Variants in METTL8 observed in about 807,000 individuals in gnomAD.
METTL8 encodes methyltransferase 8, tRNA N3-cytidine.
In METTL8, 32 loss-of-function variants were observed where a neutral mutation model predicts 48.7. The observed-to-expected ratio is 0.66, with a 90% CI of 0.50 to 0.88. The LOEUF (loss-of-function observed/expected upper bound fraction) is 0.88, where lower values mean the gene tolerates loss of function less well. Ranked by LOEUF, METTL8 falls within the 40% of genes least tolerant of loss-of-function variation. The pLI is 0.00. For synonymous variants in METTL8, 136 were observed against 157.1 expected, an observed-to-expected ratio of 0.87 and a Z score of 1.01; for missense variants, 464 against 474.4, an observed-to-expected ratio of 0.98 and a Z score of 0.20.
chr2:171,416,856 T>C (rs1366431977), intron 1 of METTL8, among the ~76,000 whole-genome samples: 1 of 152,212 alleles, frequency 6.6e-6, no homozygotes, highest in East Asian at 1.9e-4. Context: ...TAGTACGCTA[T>C]TCCATCTGAG....
chr2:171,325,876 C>T lies in METTL8; in HGVS notation c.998G>A (p.Arg333Gln), dbSNP rs200150837. ...GAAATATGCTCTGGTACCATCTCCTCGAACATAAAAATTTTCAGATAAACA... is the reference window on the plus strand; with the variant it reads ...GAAATATGCTCTGGTACCATCTCCTTGAACATAAAAATTTTCAGATAAACA... ...GHCLSENFYV[R>Q]GDGTRAYFFT... Residue 333 changes from arginine to glutamine, a missense_variant, in exon 9 of 10, where the codon CGA (arginine) becomes CAA (glutamine). Coordinates refer to ENST00000375258, the MANE Select transcript of METTL8 (RefSeq NM_001321154.2). 5.7e-5 allele frequency: 91 copies of T among 1,600,382 alleles called. No homozygotes were observed. The highest frequency in any genetic ancestry group is 5.4e-4 in the Admixed American group (32 of 59,134).
upstream of METTL8, chr2:171,434,674 CT>C: frequency 6.6e-7 from 1 of 1,509,612 alleles, no homozygotes. Flanking sequence ...GAGGACCAAC[CT>C]GGGCATCCTG....
intron 2 of METTL8, among the ~76,000 whole-genome samples, chr2:171,368,654 T>A (rs1215913875): frequency 2.0e-5 from 3 of 151,694 alleles, no homozygotes; most frequent in Admixed American, 6.6e-5. Context: ...GGAACCAATA[T>A]TTTCCAAATT....
chr2:171,333,545 T>C (rs1376600538), intron 5 of METTL8, among the ~76,000 whole-genome samples: 1 of 152,260 alleles, frequency 6.6e-6, no homozygotes, highest in East Asian at 1.9e-4. Flanking sequence ...TATGAAAAGC[T>C]AACCAGTACT....
chr2:171,434,483 C>T (rs959382776), upstream of METTL8: 18 of 1,517,468 alleles, frequency 1.2e-5, no homozygotes, highest in African/African-American at 2.1e-4. Context: ...AAAGTCTGGG[C>T]CTCGAAATTC....
At position 171,332,322 on chromosome 2, in the gene METTL8, C is replaced by T. The variant is rs546360719; in HGVS notation, c.657-455G>A. On this transcript the variant is annotated intron_variant, in intron 5 of 9. Coordinates refer to ENST00000375258, the MANE Select transcript of METTL8 (RefSeq NM_001321154.2). Reference sequence around the variant, plus strand: ...TTGAGACAGGGTCTCGCTCTGTCACCCAGGCTGGAGTATAGTGGCACAATC... The same window carrying T: ...TTGAGACAGGGTCTCGCTCTGTCACTCAGGCTGGAGTATAGTGGCACAATC... 3.8e-5 allele frequency: 6 copies of T among 159,662 alleles called. No individual in the cohort carries two copies. In the East Asian group the frequency reaches 7.2e-4, roughly 19 times the overall value. The allele number at this position is 159,662 out of a possible 1,614,324, so 9.9% of individuals were successfully genotyped here.
intron 4 of METTL8, among the ~76,000 whole-genome samples, chr2:171,338,413 G>A (rs548603205): frequency 2.6e-5 from 4 of 152,174 alleles, no homozygotes; most frequent in Admixed American, 6.5e-5. Flanking sequence ...TGAGGCGGGC[G>A]GATCACCTGA....
chr2:171,402,208 A>G (rs1290062981), intron 1 of METTL8, among the ~76,000 whole-genome samples: 1 of 152,188 alleles, frequency 6.6e-6, no homozygotes, highest in Non-Finnish European at 1.5e-5. Context: ...GATTAGCACA[A>G]ATAAAGATTA....
intron 3 of METTL8, among the ~76,000 whole-genome samples, chr2:171,357,700 C>CT (rs937720887): frequency 0.015 from 2,235 of 144,724 alleles, 44 homozygotes; most frequent in African/African-American, 0.048. Flanking sequence ...TTTTCTCTCT[C>CT]TTTTTTTTTT....
At chr2:171,324,478 T>A in intron 9 of METTL8, 116 bp from the exon 10 acceptor site, 1 of 932,154 alleles carries the variant, frequency 1.1e-6, no homozygotes, top group Non-Finnish European at 1.6e-6. Flanking sequence ...CAAGAAACAC[T>A]CTCTAGAACA....
At chr2:171,337,818 C>T (rs1686277805) in intron 4 of METTL8, among the ~76,000 whole-genome samples, 2 of 147,708 alleles carry the variant, frequency 1.4e-5, no homozygotes, top group Non-Finnish European at 1.5e-5. Flanking sequence ...AACAGATAAG[C>T]AGAGAAAATA....
At chr2:171,366,484 T>C (rs1486976918) in intron 2 of METTL8, among the ~76,000 whole-genome samples, 1 of 152,172 alleles carries the variant, frequency 6.6e-6, no homozygotes, top group Non-Finnish European at 1.5e-5. Context: ...ATGTCCACCA[T>C]ATAATCAAAA....
chr2:171,414,450 G>T (rs988925877), intron 1 of METTL8, among the ~76,000 whole-genome samples: 5 of 151,444 alleles, frequency 3.3e-5, no homozygotes, highest in Non-Finnish European at 5.9e-5. Flanking sequence ...CTAAAGGCTG[G>T]CCCCAGTAGC....
chr2:171,354,701 C>G (rs1300563282), intron 3 of METTL8, among the ~76,000 whole-genome samples: 1 of 152,218 alleles, frequency 6.6e-6, no homozygotes, highest in Non-Finnish European at 1.5e-5. Flanking sequence ...CGCTTCATTT[C>G]ATTCATTTGA....
At chr2:171,348,491 C>T (rs1041325016) in intron 3 of METTL8, among the ~76,000 whole-genome samples, 7 of 152,146 alleles carry the variant, frequency 4.6e-5, no homozygotes, top group African/African-American at 1.7e-4. Flanking sequence ...CTTCATCTAA[C>T]GGTTACACTG....
At chr2:171,343,494 T>C (rs1302571608) in intron 3 of METTL8, among the ~76,000 whole-genome samples, 2 of 151,304 alleles carry the variant, frequency 1.3e-5, no homozygotes, top group Non-Finnish European at 2.9e-5. Context: ...GAAAATAATA[T>C]TAAGAGAAAA....
chr2:171,334,837 T>TA (rs1048196124), intron 5 of METTL8, among the ~76,000 whole-genome samples: 1 of 152,142 alleles, frequency 6.6e-6, no homozygotes, highest in Non-Finnish European at 1.5e-5. Flanking sequence ...TGAGAGATAT[T>TA]AATCAGGCAA....
intron 1 of METTL8, among the ~76,000 whole-genome samples, chr2:171,408,699 T>C (rs1690441037): frequency 6.6e-6 from 1 of 152,186 alleles, no homozygotes; most frequent in Non-Finnish European, 1.5e-5. Flanking sequence ...CTGAAGGGTA[T>C]GGACTAGGTT....
At position 171,319,389 on chromosome 2, in the gene METTL8, C is replaced by T. The variant is rs191577659; in HGVS notation, c.*4783G>A. The T allele has an allele frequency of 3.3e-5, 5 of 152,180 alleles. No individual in the cohort carries two copies. The highest frequency in any genetic ancestry group is 4.8e-5 in the African/African-American group (2 of 41,444). 9.4% of individuals were successfully genotyped at this position (152,180 alleles called of 1,614,324 possible). ...CTGCACTTGTGAGGAGCATAACAAA[C>T]ATCAAAACCAATTAGAAGTAACAAT... On this transcript the variant is annotated 3_prime_UTR_variant, in exon 10 of 10. Coordinates refer to ENST00000375258, the MANE Select transcript of METTL8 (RefSeq NM_001321154.2).
Sources: allele counts gnomAD v4.1 joint callset (sites outside exome capture counted in the v4.1 genomes callset), GRCh38; gene constraint gnomAD v4.1.1; transcripts MANE v1.5; gene names NCBI Gene and HGNC (gene_info 2026-07-23, HGNC 2026-07-21).